KIF20B: variants seen among roughly 807,000 people sequenced by gnomAD.
The protein encoded by KIF20B is kinesin family member 20B, also known as kinesin-like protein KIF20B.
Under a neutral mutation model 232.5 loss-of-function variants are expected in KIF20B, and 188 were observed. The ratio of observed to expected loss-of-function variants is 0.81; its 90% CI spans 0.72 to 0.91. The LOEUF is 0.91. Ranked by LOEUF, KIF20B falls within the 40% of genes least tolerant of loss-of-function variation. The pLI, the probability that KIF20B is intolerant of heterozygous loss-of-function variation, is 0.00. For missense variants in KIF20B, 2,154 were observed against 2,055.9 expected, an observed-to-expected ratio of 1.05 and a Z score of -0.92; for synonymous variants, 712 against 683.0, an observed-to-expected ratio of 1.04 and a Z score of -0.66.
chr10:89,760,852 T>A (rs3740036), intron 28 of KIF20B, among the ~76,000 whole-genome samples: 6 of 152,004 alleles, frequency 3.9e-5, no homozygotes, highest in African/African-American at 1.5e-4. Flanking sequence ...AGCAGTAGAT[T>A]TGTTAATAGA....
chr10:89,716,585 C>T (rs200427189), intron 9 of KIF20B, 38 bp downstream of exon 9: 58 of 944,278 alleles, frequency 6.1e-5, no homozygotes, highest in African/African-American at 4.3e-4. Flanking sequence ...CTCGAATCAC[C>T]GATAGTATTC....
At chr10:89,728,008 T>G (rs1055943902) in intron 17 of KIF20B, 112 bp downstream of exon 17, 2 of 892,620 alleles carry the variant, frequency 2.2e-6, no homozygotes, top group African/African-American at 1.7e-5. Flanking sequence ...ATATAGTCTC[T>G]TGGTATGCAT....
chr10:89,711,814 T>G (rs1276124156), intron 6 of KIF20B, among the ~76,000 whole-genome samples: 1 of 152,188 alleles, frequency 6.6e-6, no homozygotes, highest in African/African-American at 2.4e-5. Flanking sequence ...ACTTGTTTTT[T>G]TAAATTTTAA....
rs368250488 is a variant in KIF20B at position 89,729,199 on chromosome 10, C to T, written c.2343C>T (p.Asn781=). The part of the protein sequence containing the change: ...NIIDQKEDTI[N]EFQNLKSHME... ...TTGATCAAAAAGAAGATACTATCAA[C>T]GAATTTCAGAACCTAAAGTCTCATA... Residue 781 remains asparagine, a synonymous_variant, in exon 18 of 33, where the codon AAC becomes AAT. Transcript: ENST00000371728. 27 of 1,488,220 alleles carry T rather than the reference C, an allele frequency of 1.8e-5. No individual in the cohort carries two copies. The highest frequency in any genetic ancestry group is 3.5e-4 in the Middle Eastern group (2 of 5,742). The allele number at this position is 1,488,220 out of a possible 1,614,324, so 92.2% of individuals were successfully genotyped here.
intron 23 of KIF20B, among the ~76,000 whole-genome samples, chr10:89,750,171 C>T (rs767772627): frequency 1.5e-4 from 23 of 151,870 alleles, no homozygotes; most frequent in Non-Finnish European, 3.2e-4. Context: ...AGGTGAGTAG[C>T]CATTAGTGAG....
intron 17 of KIF20B, among the ~76,000 whole-genome samples, 183 bp from the exon 18 acceptor site, chr10:89,728,945 G>GTGTGTGTGTGTA (rs1443278085): frequency 1.3e-5 from 1 of 75,458 alleles, no homozygotes; most frequent in African/African-American, 6.9e-5. Context: ...GTGTGTGTGT[G>GTGTGTGTGTGTA]TGTATGTAAT....
chr10:89,768,837 C>A lies in KIF20B; in HGVS notation c.5191C>A (p.Gln1731Lys). Residue 1731 changes from glutamine (Q) to lysine (K), a missense_variant, in exon 31 of 33, where the codon CAG becomes AAG. Coordinates refer to ENST00000371728, the MANE Select transcript of KIF20B (RefSeq NM_001284259.2). ...LATKKKEGTL[Q>K]KFGDFLQHSP... ...CACTAAGAAAAAAGAAGGAACACTA[C>A]AGAAATTTGGAGACTTCTTACAACA... 1 of 1,609,166 alleles carries A rather than the reference C, an allele frequency of 6.2e-7. No individual in the cohort carries two copies. Among genetic ancestry groups the A allele is most frequent in the Non-Finnish European group, 8.5e-7 (1 of 1,177,858 alleles).
Position 89,750,633 on chromosome 10 carries a change from TA to T in KIF20B, c.4097-712del, listed in dbSNP as rs76396388. ...AAGAGTTCTCTGAAATGAGCCCTGCTACTAGGTGCCATCACCAGAGGCAACA... is the reference window on the plus strand; with the variant it reads ...AAGAGTTCTCTGAAATGAGCCCTGCTCTAGGTGCCATCACCAGAGGCAACA... On this transcript the variant is annotated intron_variant, in intron 23 of 32. Transcript: ENST00000371728. Among the ~76,000 whole-genome samples the T allele has an allele frequency of 7.6e-3, 1,155 of 152,276 alleles. 51 individuals carry two copies. In the East Asian group the frequency reaches 0.11, roughly 14 times the overall value.
chr10:89,742,560 A>AT (rs1157819847), intron 21 of KIF20B, among the ~76,000 whole-genome samples: 1 of 152,154 alleles, frequency 6.6e-6, no homozygotes, highest in African/African-American at 2.4e-5. Context: ...TTGAAGCCTC[A>AT]TTTTTTTAAA....
intron 1 of KIF20B, among the ~76,000 whole-genome samples, 184 bp from the exon 2 acceptor site, chr10:89,705,110 G>C (rs1227675171): frequency 1.3e-5 from 2 of 152,180 alleles, no homozygotes; most frequent in East Asian, 3.8e-4. Context: ...ATCAGAGTCT[G>C]TAAATATAAT....
At position 89,768,725 on chromosome 10, in the gene KIF20B, T is replaced by G; in HGVS notation, c.5092-13T>G. ...TTCTCATCAACAATAACAAAAAATG[T>G]TTTGTTTATTAGGTTGCCATACGTC... On this transcript the variant is annotated splice_polypyrimidine_tract_variant and intron_variant, in intron 30 of 32. Coordinates refer to ENST00000371728, the MANE Select transcript of KIF20B (RefSeq NM_001284259.2). 1 of 1,570,546 alleles carries G rather than the reference T, an allele frequency of 6.4e-7. No homozygotes were observed. The highest frequency in any genetic ancestry group is 8.6e-7 in the Non-Finnish European group (1 of 1,164,534).
chr10:89,704,021 G>A (rs1842670818), intron 1 of KIF20B, among the ~76,000 whole-genome samples: 1 of 152,162 alleles, frequency 6.6e-6, no homozygotes. Flanking sequence ...AAAGTGCTGG[G>A]ATTACAGGTG....
In KIF20B at chr10:89,712,696, G is replaced by A. The variant is rs563020234; in HGVS notation, c.676-1351G>A. Among the ~76,000 whole-genome samples, 24 of 152,232 alleles carry A rather than the reference G, an allele frequency of 1.6e-4. 1 individual carries two copies. The South Asian group carries it at 4.1e-3, about 26-fold the overall frequency. ...TAAATAAATATGTAATATACTGTGA[G>A]GAGGTATTGTTTTATATAAGGTGGT... On this transcript the variant is annotated intron_variant, in intron 6 of 32. Coordinates refer to ENST00000371728, the MANE Select transcript of KIF20B (RefSeq NM_001284259.2).
Position 89,719,463 on chromosome 10 carries a change from T to C in KIF20B, c.1479T>C (p.Phe493=). The C allele has an allele frequency of 6.2e-7, 1 of 1,600,376 alleles. No individual in the cohort carries two copies. The highest frequency in any genetic ancestry group is 8.5e-7 in the Non-Finnish European group (1 of 1,174,746). Residue 493 remains phenylalanine (F), a synonymous_variant, in exon 13 of 33, where the codon TTT becomes TTC. Coordinates refer to ENST00000371728, the MANE Select transcript of KIF20B (RefSeq NM_001284259.2). Reference sequence around the variant, plus strand: ...TAAATTCCTCTCAAGAGAAATTATTTGGACCTGTCAAATCTTCTCAAGATG... The same window carrying C: ...TAAATTCCTCTCAAGAGAAATTATTCGGACCTGTCAAATCTTCTCAAGATG... ...DTLNSSQEKL[F]GPVKSSQDVS... is the part of the protein sequence containing the mutation.
chr10:89,718,154 A>G (rs1261265279), intron 11 of KIF20B, among the ~76,000 whole-genome samples: 2 of 152,194 alleles, frequency 1.3e-5, no homozygotes, highest in Admixed American at 6.5e-5. Context: ...CTTGCTCTAT[A>G]CTAGGGAACA....
At chr10:89,715,216 G>A (rs2133092157) in intron 8 of KIF20B, 34 bp downstream of exon 8, 1 of 1,361,814 alleles carries the variant, frequency 7.3e-7, no homozygotes, top group Non-Finnish European at 1.0e-6. Context: ...TTATTGCTCT[G>A]AAGTTCTCTT....
chr10:89,767,813 T>A (rs1310665053), intron 29 of KIF20B, among the ~76,000 whole-genome samples: 1 of 152,104 alleles, frequency 6.6e-6, no homozygotes, highest in East Asian at 1.9e-4. Flanking sequence ...TAGACATAGA[T>A]GCTTGTATTA....
intron 19 of KIF20B, 164 bp downstream of exon 19, chr10:89,733,220 G>A (rs1843368355): frequency 6.3e-6 from 4 of 633,942 alleles, no homozygotes; most frequent in Non-Finnish European, 1.1e-5. Flanking sequence ...TTCTAGGGAT[G>A]GGCATAGTTA....
At chr10:89,749,320 T>G (rs998913782) in intron 23 of KIF20B, among the ~76,000 whole-genome samples, 9 of 152,216 alleles carry the variant, frequency 5.9e-5, no homozygotes, top group Non-Finnish European at 1.2e-4. Flanking sequence ...TTCTATTTAT[T>G]CACGGAATGC....
Sources: gnomAD v4.1 joint callset for allele counts (sites outside exome capture counted in the v4.1 genomes callset) on GRCh38, gnomAD v4.1.1 for gene constraint, MANE v1.5 for transcripts, NCBI Gene and HGNC (gene_info 2026-07-23, HGNC 2026-07-21) for gene names.